Variants in COL28A1 observed in about 807,000 individuals in gnomAD.
COL28A1 encodes collagen alpha-1(XXVIII) chain.
Under a neutral mutation model 150.2 loss-of-function variants are expected in COL28A1, and 161 were observed. That is an observed-to-expected ratio of 1.07 (90% CI 0.94 to 1.22). The LOEUF (loss-of-function observed/expected upper bound fraction) is 1.22, where lower values mean the gene tolerates loss of function less well. Among genes scored for constraint, COL28A1 ranks in the 50% most tolerant of loss-of-function variants. The pLI is 0.00. For missense variants in COL28A1, 1,617 were observed against 1,388.3 expected (o/e 1.16, Z -2.62); for synonymous variants, 552 against 469.7 (o/e 1.18, Z -2.26).
At chr7:7,383,698 ATATATG>A (rs1182972664) in intron 27 of COL28A1, among the ~76,000 whole-genome samples, 52 of 145,864 alleles carry the variant, frequency 3.6e-4, no homozygotes, top group African/African-American at 4.5e-4. Flanking sequence ...ATATATATAT[ATATATG>A]TATATGAGAT....
At chr7:7,406,216 G>A (rs1783484558) in intron 27 of COL28A1, among the ~76,000 whole-genome samples, 1 of 152,092 alleles carries the variant, frequency 6.6e-6, no homozygotes, top group African/African-American at 2.4e-5. Flanking sequence ...CAAGTTTAGG[G>A]TTCTCTTTAA....
At chr7:7,393,217 C>T (rs921945822) in intron 27 of COL28A1, among the ~76,000 whole-genome samples, 3 of 152,236 alleles carry the variant, frequency 2.0e-5, no homozygotes, top group African/African-American at 4.8e-5. Context: ...AGTCTGGCCC[C>T]TCTGCTGCAG....
At chr7:7,443,494 G>A in intron 20 of COL28A1, 91 bp downstream of exon 20, 2 of 1,563,254 alleles carry the variant, frequency 1.3e-6, no homozygotes, top group South Asian at 1.2e-5. Flanking sequence ...CATTGACATA[G>A]TAAGAATAAC....
chr7:7,427,159 C>A (rs1258482611), intron 25 of COL28A1, among the ~76,000 whole-genome samples: 2 of 152,174 alleles, frequency 1.3e-5, no homozygotes, highest in Non-Finnish European at 2.9e-5. Flanking sequence ...TACTAGAGTG[C>A]AGCTCAGATT....
chr7:7,370,598 G>C (rs1781176174), intron 33 of COL28A1, 127 bp downstream of exon 33: 2 of 598,400 alleles, frequency 3.3e-6, no homozygotes, highest in African/African-American at 1.9e-5. Context: ...CTAACATTTA[G>C]AGCCAAGGAC....
At chr7:7,504,676 G>T (rs1478315833) in intron 11 of COL28A1, among the ~76,000 whole-genome samples, 2 of 152,102 alleles carry the variant, frequency 1.3e-5, no homozygotes, top group Non-Finnish European at 2.9e-5. Flanking sequence ...GACCTCACTG[G>T]GACTCTGCCT....
At chr7:7,452,459 T>C (rs1786780690) in intron 17 of COL28A1, 72 bp from the exon 18 acceptor site, 1 of 1,521,006 alleles carries the variant, frequency 6.6e-7, no homozygotes, top group Non-Finnish European at 8.7e-7. Flanking sequence ...TCCTAAAACC[T>C]GTCTTATATC....
At chr7:7,436,230 A>C (rs1327033342) in intron 23 of COL28A1, among the ~76,000 whole-genome samples, 165 bp downstream of exon 23, 1 of 152,272 alleles carries the variant, frequency 6.6e-6, no homozygotes, top group Admixed American at 6.5e-5. Context: ...TATGAAAAAT[A>C]AACTATGTGA....
chr7:7,378,782 G>A (rs1374532049), intron 30 of COL28A1, among the ~76,000 whole-genome samples: 1 of 152,188 alleles, frequency 6.6e-6, no homozygotes, highest in Non-Finnish European at 1.5e-5. Flanking sequence ...TGGAGATACT[G>A]TCTACCTCAT....
intron 11 of COL28A1, among the ~76,000 whole-genome samples, chr7:7,500,750 T>G (rs1430826920): frequency 1.3e-5 from 2 of 151,896 alleles, no homozygotes; most frequent in African/African-American, 2.4e-5. Context: ...ATCTAGCTCT[T>G]GTTTACTGAA....
intron 13 of COL28A1, among the ~76,000 whole-genome samples, chr7:7,480,132 C>A (rs1311355723): frequency 6.6e-6 from 1 of 152,122 alleles, no homozygotes; most frequent in Non-Finnish European, 1.5e-5. Context: ...TCCTCAAGCC[C>A]AGTAGCAGAA....
At chr7:7,430,440 T>G (rs1784899437) in intron 25 of COL28A1, among the ~76,000 whole-genome samples, 1 of 152,164 alleles carries the variant, frequency 6.6e-6, no homozygotes, top group Admixed American at 6.5e-5. Context: ...TTTTTAAGTG[T>G]TCTTTATCTG....
At chr7:7,496,356 C>T (rs533294103) in intron 11 of COL28A1, among the ~76,000 whole-genome samples, 1 of 152,294 alleles carries the variant, frequency 6.6e-6, no homozygotes, top group South Asian at 2.1e-4. Context: ...GGAGCAGGGG[C>T]TCTGCTAGCT....
chr7:7,381,121 AGGACATACAAT>A (rs1781847628), intron 28 of COL28A1, among the ~76,000 whole-genome samples: 1 of 152,220 alleles, frequency 6.6e-6, no homozygotes. Flanking sequence ...CTCACCTTTC[AGGACATACAAT>A]TATTACACAA....
rs35277875 is a variant in COL28A1 at position 7,373,705 on chromosome 7, C to CT, written c.2360-160dup. Among the ~76,000 whole-genome samples, 92,912 of 143,994 alleles carry CT rather than the reference C, an allele frequency of 0.65. 32,110 individuals are homozygous for CT. The highest frequency in any genetic ancestry group is 0.87 in the East Asian group (4,309 of 4,954). 94.5% of individuals were successfully genotyped at this position (143,994 alleles called of 152,430 possible). ...CTGACAGCTGTCTCCATTCTGGTTTCTTTTTTTTTTTGTGAGACAGAGTCT... is the reference window on the plus strand; with the variant it reads ...CTGACAGCTGTCTCCATTCTGGTTTCTTTTTTTTTTTTGTGAGACAGAGTCT... On this transcript the variant is annotated intron_variant, in intron 31 of 34. Coordinates refer to ENST00000399429, the MANE Select transcript of COL28A1 (RefSeq NM_001037763.3). The surrounding 1 kb of genome is among the most constrained non-coding windows in gnomAD (Gnocchi z 4.1).
chr7:7,495,276 G>C (rs1310540672), intron 11 of COL28A1, among the ~76,000 whole-genome samples: 1 of 151,992 alleles, frequency 6.6e-6, no homozygotes. Context: ...TATACTTACA[G>C]CACATCTCAA....
chr7:7,445,626 A>C (rs1190978249), intron 18 of COL28A1, among the ~76,000 whole-genome samples: 1 of 152,322 alleles, frequency 6.6e-6, no homozygotes, highest in Non-Finnish European at 1.5e-5. Flanking sequence ...ATTAGTAATA[A>C]ATCCTTTAAA....
chr7:7,465,290 TG>T (rs1411444716), intron 15 of COL28A1, among the ~76,000 whole-genome samples: 4 of 145,432 alleles, frequency 2.8e-5, no homozygotes, highest in Non-Finnish European at 4.5e-5. Flanking sequence ...TTGCCTCACC[TG>T]GGAAGCGCAA....
chr7:7,419,365 G>C (rs1784274526), intron 26 of COL28A1, among the ~76,000 whole-genome samples: 1 of 152,140 alleles, frequency 6.6e-6, no homozygotes, highest in African/African-American at 2.4e-5. Context: ...CCCTCTTTGA[G>C]AAACACTGGA....
Sources: gnomAD v4.1 joint callset for allele counts (sites outside exome capture counted in the v4.1 genomes callset) on GRCh38, gnomAD v4.1.1 for gene constraint, Gnocchi (gnomAD v3.1) non-coding constraint, MANE v1.5 for transcripts, NCBI Gene and HGNC (gene_info 2026-07-23, HGNC 2026-07-21) for gene names.